The following ZNF423 variants were observed in gnomAD, a reference collection of about 807,000 sequenced individuals.
The protein encoded by ZNF423 is Ebf-associated zinc finger protein.
Under a neutral mutation model 95.8 loss-of-function variants are expected in ZNF423, and 12 were observed. That is an observed-to-expected ratio of 0.13 (90% CI 0.08 to 0.20). The LOEUF (loss-of-function observed/expected upper bound fraction) is 0.20. Ranked by LOEUF, ZNF423 falls within the 10% of genes least tolerant of loss-of-function variation. The pLI, the probability that ZNF423 is intolerant of heterozygous loss-of-function variation, is 1.00. For synonymous variants in ZNF423, 749 were observed against 711.9 expected, an observed-to-expected ratio of 1.05 and a Z score of -0.83; for missense variants, 1,316 against 1,737.1, an observed-to-expected ratio of 0.76 and a Z score of 4.31.
intron 7 of ZNF423, among the ~76,000 whole-genome samples, chr16:49,496,217 T>C (rs183279199): frequency 2.1e-4 from 32 of 152,376 alleles, no homozygotes; most frequent in African/African-American, 7.5e-4. Context: ...GGGCAAGTTC[T>C]GTGACCTCCG....
chr16:49,672,923 C>G (rs775788462), intron 3 of ZNF423, among the ~76,000 whole-genome samples: 1 of 152,218 alleles, frequency 6.6e-6, no homozygotes, highest in Admixed American at 6.5e-5. Flanking sequence ...TGCCCCACCA[C>G]GCGGTGTGAT....
chr16:49,549,999 A>C (rs1435644912), intron 5 of ZNF423, among the ~76,000 whole-genome samples: 1 of 152,034 alleles, frequency 6.6e-6, no homozygotes, highest in African/African-American at 2.4e-5. Context: ...CAGCCTCCCA[A>C]GTAGCTGGGA....
chr16:49,712,751 G>A (rs999519905), intron 3 of ZNF423, among the ~76,000 whole-genome samples: 3 of 152,192 alleles, frequency 2.0e-5, no homozygotes, highest in African/African-American at 4.8e-5. Flanking sequence ...TGGGGGTCCC[G>A]GGAGCGGCGC....
intron 5 of ZNF423, among the ~76,000 whole-genome samples, chr16:49,588,492 T>C (rs557366532): frequency 7.2e-5 from 11 of 152,356 alleles, no homozygotes; most frequent in Middle Eastern, 3.4e-3. Flanking sequence ...TTGCAAATTA[T>C]GCTGCACTTT....
At chr16:49,496,317 G>A (rs1293676940) in intron 7 of ZNF423, among the ~76,000 whole-genome samples, 1 of 152,216 alleles carries the variant, frequency 6.6e-6, no homozygotes, top group South Asian at 2.1e-4. Flanking sequence ...TGTTGAAATG[G>A]GATCCCCAGT....
intron 5 of ZNF423, among the ~76,000 whole-genome samples, chr16:49,617,054 C>A (rs976774757): frequency 2.0e-5 from 3 of 152,118 alleles, no homozygotes; most frequent in African/African-American, 7.2e-5. Flanking sequence ...AAATAAAAGC[C>A]CTCTTTCTTT....
At chr16:49,632,546 A>G (rs568668230) in intron 4 of ZNF423, among the ~76,000 whole-genome samples, 2 of 152,150 alleles carry the variant, frequency 1.3e-5, no homozygotes, top group South Asian at 4.2e-4. Flanking sequence ...CTGCTCACAC[A>G]AGGCCCAAAG....
At chr16:49,590,708 C>T (rs1161154328) in intron 5 of ZNF423, among the ~76,000 whole-genome samples, 2 of 152,150 alleles carry the variant, frequency 1.3e-5, no homozygotes, top group Non-Finnish European at 2.9e-5. Context: ...TTAGCCCCAG[C>T]GTCCCCCGCC....
At chr16:49,570,047 T>C (rs1409274997) in intron 5 of ZNF423, among the ~76,000 whole-genome samples, 2 of 152,210 alleles carry the variant, frequency 1.3e-5, no homozygotes, top group Non-Finnish European at 2.9e-5. Flanking sequence ...CTGCCTGCTC[T>C]GAGCTATGGA....
chr16:49,641,035 CTTA>C, intron 3 of ZNF423, among the ~76,000 whole-genome samples: 2 of 152,308 alleles, frequency 1.3e-5, no homozygotes, highest in Middle Eastern at 6.8e-3. Flanking sequence ...GGACTGGCTT[CTTA>C]TTATTTTGAT....
intron 5 of ZNF423, among the ~76,000 whole-genome samples, chr16:49,556,204 C>T (rs1597097097): frequency 1.3e-5 from 2 of 152,208 alleles, no homozygotes; most frequent in East Asian, 3.9e-4. Context: ...CAGAAAGAGG[C>T]AGTCCATGCA....
intron 3 of ZNF423, among the ~76,000 whole-genome samples, chr16:49,685,394 G>T (rs886559074): frequency 1.3e-5 from 2 of 152,194 alleles, no homozygotes; most frequent in African/African-American, 4.8e-5. Context: ...GGGGTCTTGA[G>T]GGGACTGAGC....
chr16:49,733,567 T>C (rs555796642), intron 2 of ZNF423, among the ~76,000 whole-genome samples: 2 of 152,146 alleles, frequency 1.3e-5, no homozygotes, highest in Non-Finnish European at 2.9e-5. Context: ...AGAGTATAAA[T>C]CTGTTTTAAG....
intron 2 of ZNF423, among the ~76,000 whole-genome samples, chr16:49,784,260 G>T (rs1224602039): frequency 1.3e-5 from 2 of 152,098 alleles, no homozygotes; most frequent in Non-Finnish European, 2.9e-5. Flanking sequence ...ACATTGCCAG[G>T]TGCGGTGACA....
chr16:49,501,331 T>C (rs183049978), intron 7 of ZNF423, among the ~76,000 whole-genome samples: 118 of 152,312 alleles, frequency 7.7e-4, no homozygotes, highest in African/African-American at 2.6e-3. Context: ...CATGCGAATA[T>C]AGGCCCAGTG....
At chr16:49,797,173 G>A (rs1187010459) in intron 1 of ZNF423, among the ~76,000 whole-genome samples, 1 of 152,146 alleles carries the variant, frequency 6.6e-6, no homozygotes, top group African/African-American at 2.4e-5. Flanking sequence ...TCATTGTCAA[G>A]CATGAAACAG....
chr16:49,800,363 G>A (rs1340853601), intron 1 of ZNF423, among the ~76,000 whole-genome samples: 1 of 152,126 alleles, frequency 6.6e-6, no homozygotes, highest in Non-Finnish European at 1.5e-5. Context: ...TAAGTACTAG[G>A]AAAAGGGTTT....
intron 3 of ZNF423, among the ~76,000 whole-genome samples, chr16:49,646,574 C>CTTTTTCTTTTTTTTTTTTTTTTTTTTTTT (rs1973179013): frequency 1.7e-5 from 2 of 118,010 alleles, no homozygotes; most frequent in African/African-American, 6.0e-5. Context: ...TTTTCTTTTT[C>CTTTTTCTTTTTTTTTTTTTTTTTTTTTTT]TTTTTTTTTT....
Position 49,703,066 on chromosome 16 carries a change from G to A in ZNF423, c.301+27705C>T, listed in dbSNP as rs184510066. On this transcript the variant is annotated intron_variant, in intron 3 of 7. Transcript: ENST00000563137. ...TACGAACACATGCACCAACACAGGC[G>A]CGCAGGCATGCACACGCCCGCATTC... Among the ~76,000 whole-genome samples the A allele has an allele frequency of 5.3e-5, 8 of 152,260 alleles. No individual in the cohort carries two copies. In the East Asian group the frequency reaches 1.4e-3, roughly 26 times the overall value.
Sources: allele counts gnomAD v4.1 joint callset (sites outside exome capture counted in the v4.1 genomes callset), GRCh38; gene constraint gnomAD v4.1.1; transcripts MANE v1.5; gene names NCBI Gene and HGNC (gene_info 2026-07-23, HGNC 2026-07-21).